Variants in BAHCC1 observed in about 807,000 individuals in gnomAD.
BAHCC1 encodes BAH domain and coiled-coil containing 1.
BAHCC1 carries 43 observed loss-of-function variants against 88.2 expected under a neutral mutation model. The ratio of observed to expected loss-of-function variants is 0.49; its 90% CI spans 0.38 to 0.63. BAHCC1 has a LOEUF of 0.63. Among genes scored for constraint, BAHCC1 ranks in the 20% least tolerant of loss-of-function variants. The pLI is 0.00. For synonymous variants in BAHCC1, 1,510 were observed against 745.5 expected (o/e 2.03, Z -16.71); for missense variants, 3,023 against 1,654.8 (o/e 1.83, Z -14.34).
chr17:81,428,033 C>T (rs1034738801), intron 3 of BAHCC1, among the ~76,000 whole-genome samples: 6 of 152,184 alleles, frequency 3.9e-5, no homozygotes, highest in South Asian at 2.1e-4. Context: ...CGGCTCAGGG[C>T]GCACATGTTG....
At chr17:81,447,929 G>A (rs1325660102) in intron 11 of BAHCC1, 81 bp downstream of exon 11, 10 of 691,236 alleles carry the variant, frequency 1.4e-5, no homozygotes, top group African/African-American at 1.8e-5. Flanking sequence ...CTGGCCAGAC[G>A]GCAGCCTTGG....
At chr17:81,413,145 C>T (rs1285042713) in intron 2 of BAHCC1, 2 of 444,908 alleles carry the variant, frequency 4.5e-6, no homozygotes, top group African/African-American at 2.0e-5. Flanking sequence ...CAGCCATACG[C>T]TCCCCAACCC....
chr17:81,415,928 T>C (rs879989753), intron 2 of BAHCC1, among the ~76,000 whole-genome samples: 11 of 151,398 alleles, frequency 7.3e-5, no homozygotes, highest in Non-Finnish European at 1.6e-4. Context: ...AGGGAGACCA[T>C]GGGCCTCACA....
In BAHCC1 at chr17:81,444,446, C is replaced by T. The variant is rs2064483219; in HGVS notation, c.2390C>T (p.Ala797Val). 6.7e-6 allele frequency: 5 copies of T among 741,424 alleles called. No homozygotes were observed. Among genetic ancestry groups the T allele is most frequent in the East Asian group, 5.1e-5 (2 of 38,944 alleles). The allele number at this position is 741,424 out of a possible 1,614,324, so 45.9% of individuals were successfully genotyped here. ...CCGAGCAGCTGCCCTGGGGACCTGG[C>T]CCCCCACCTCATGATGCAGAGCGGC... Reference protein sequence around the residue: ...HPPSSCPGDLAPHLMMQSGQL... With the variant: ...HPPSSCPGDLVPHLMMQSGQL... Residue 797 changes from alanine (A) to valine (V), a missense_variant, in exon 7 of 28, where the codon GCC (alanine) becomes GTC (valine). Coordinates refer to ENST00000675386, the MANE Select transcript of BAHCC1 (RefSeq NM_001377448.1).
In BAHCC1 at chr17:81,458,798, T is replaced by G. The variant is rs1555658265; in HGVS notation, c.5449-15T>G. On this transcript the variant is annotated splice_polypyrimidine_tract_variant and intron_variant, in intron 19 of 27. Transcript: ENST00000675386. ...CGCCTGCACCCCACCCAAGCCTGAC[T>G]CCTCTGGCCCCCAGGGCAAGGGCCG... 1 of 760,864 alleles carries G rather than the reference T, an allele frequency of 1.3e-6. No homozygotes were observed. The highest frequency in any genetic ancestry group is 1.4e-5 in the South Asian group (1 of 72,988). The allele number at this position is 760,864 out of a possible 1,614,324, so 47.1% of individuals were successfully genotyped here.
intron 2 of BAHCC1, among the ~76,000 whole-genome samples, chr17:81,419,924 C>T (rs74002267): frequency 0.013 from 1,937 of 152,244 alleles, 42 homozygotes; most frequent in African/African-American, 0.045. Flanking sequence ...CTCCCGGGCC[C>T]TGCCGTCCTC....
intron 2 of BAHCC1, chr17:81,402,484 G>T (rs1379059800): frequency 6.6e-6 from 1 of 152,194 alleles, no homozygotes; most frequent in African/African-American, 2.4e-5. Flanking sequence ...TCTTGTGTGC[G>T]GACTTCCACA....
Position 81,461,438 on chromosome 17 carries a change from CG to C in BAHCC1, c.6778del (p.Ala2260HisfsTer161). ...CCTTGTGGGCAAGGACAAGAAGGGG[CG>C]GGCACCCATCCCCCCGCTGCCCATG... ...PALVGKDKKG[R>X]APIPPLPMGL... is the part of the protein sequence containing the mutation. On this transcript the variant is annotated frameshift_variant, in exon 26 of 28. Coordinates refer to ENST00000675386, the MANE Select transcript of BAHCC1 (RefSeq NM_001377448.1). 1 of 736,376 alleles carries C rather than the reference CG, an allele frequency of 1.4e-6. No homozygotes were observed. Among genetic ancestry groups the C allele is most frequent in the Non-Finnish European group, 2.5e-6 (1 of 397,888 alleles). The allele number at this position is 736,376 out of a possible 1,614,324, so 45.6% of individuals were successfully genotyped here.
intron 14 of BAHCC1, among the ~76,000 whole-genome samples, chr17:81,453,326 T>C (rs1407237603): frequency 1.3e-5 from 2 of 152,226 alleles, no homozygotes; most frequent in Non-Finnish European, 2.9e-5. Flanking sequence ...TAATTGTCCT[T>C]CTCGGCTACA....
chr17:81,432,547 A>AGGCCCCCCCTCCCTCCCATCGCCG (rs2064273266), intron 3 of BAHCC1, among the ~76,000 whole-genome samples: 9 of 33,270 alleles, frequency 2.7e-4, no homozygotes, highest in South Asian at 1.5e-3. Context: ...ACCCATCACC[A>AGGCCCCCCCTCCCTCCCATCGCCG]GGCCCACCCT....
At position 81,399,520 on chromosome 17, in the gene BAHCC1, T is replaced by C; in HGVS notation, c.-206-14T>C. The C allele has an allele frequency of 2.8e-6, 1 of 352,116 alleles. No individual in the cohort carries two copies. Among genetic ancestry groups the C allele is most frequent in the Non-Finnish European group, 5.7e-6 (1 of 175,310 alleles). The allele number at this position is 352,116 out of a possible 1,614,324, so 21.8% of individuals were successfully genotyped here. A position where few individuals can be genotyped will look rare whatever the true frequency, so the allele number is the denominator to read the frequency against. ...CCCCAGTCACCCGTGTCTCCTCTGCTTTTGCCTCCACAGACCATGGACCCG... is the reference window on the plus strand; with the variant it reads ...CCCCAGTCACCCGTGTCTCCTCTGCCTTTGCCTCCACAGACCATGGACCCG... On this transcript the variant is annotated splice_polypyrimidine_tract_variant and intron_variant, in intron 1 of 27. Transcript: ENST00000675386. This position sits in a 1 kb window ranked among gnomAD's most constrained non-coding sequence, Gnocchi z 4.5.
chr17:81,404,669 G>A (rs1332242696), intron 2 of BAHCC1, among the ~76,000 whole-genome samples: 2 of 152,238 alleles, frequency 1.3e-5, no homozygotes, highest in Admixed American at 6.5e-5. Flanking sequence ...TTAACAATCA[G>A]GATACACTCC....
chr17:81,400,737 C>G (rs1410181138), intron 2 of BAHCC1: 1 of 153,664 alleles, frequency 6.5e-6, no homozygotes, highest in Admixed American at 6.5e-5. Flanking sequence ...TCCTCTCGGG[C>G]GGTCCCCTCT....
Position 81,435,399 on chromosome 17 carries a change from G to A in BAHCC1, c.359-2971G>A, listed in dbSNP as rs145803643. On this transcript the variant is annotated intron_variant, in intron 3 of 27. Coordinates refer to ENST00000675386, the MANE Select transcript of BAHCC1 (RefSeq NM_001377448.1). This position sits in a 1 kb window ranked among gnomAD's most constrained non-coding sequence, Gnocchi z 4.4. Reference sequence around the variant, plus strand: ...GGGCAGGATGTGGGGACCTCGGTGCGACCCCCACTGCCCCCAGGGCTCTTC... The same window carrying A: ...GGGCAGGATGTGGGGACCTCGGTGCAACCCCCACTGCCCCCAGGGCTCTTC... 460 of 466,060 alleles carry A rather than the reference G, an allele frequency of 9.9e-4. 5 individuals are homozygous for A. Among genetic ancestry groups the A allele is most frequent in the African/African-American group, 8.3e-3 (414 of 49,984 alleles). 28.9% of individuals were successfully genotyped at this position (466,060 alleles called of 1,614,324 possible). A position where few individuals can be genotyped will look rare whatever the true frequency, so the allele number is the denominator to read the frequency against.
In BAHCC1 at chr17:81,406,937, G is replaced by T. The variant is rs1360582688; in HGVS notation, c.178+7020G>T. ...GGTTCCCGATCGGATCAGCCAGGAA[G>T]TGGGTTTTTTTCATTCTGACCTGCT... On this transcript the variant is annotated intron_variant, in intron 2 of 27. Transcript: ENST00000675386. The T allele has an allele frequency of 4.4e-5, 20 of 456,240 alleles. No homozygotes were observed. In the Admixed American group the frequency reaches 4.5e-4, roughly 10 times the overall value. 28.3% of individuals were successfully genotyped at this position (456,240 alleles called of 1,614,324 possible). A position where few individuals can be genotyped will look rare whatever the true frequency, so the allele number is the denominator to read the frequency against.
At chr17:81,396,337 GCAGCGGGGCGTTTT>G (rs1182731945) in intron 1 of BAHCC1, 1 of 152,148 alleles carries the variant, frequency 6.6e-6, no homozygotes, top group African/African-American at 2.4e-5. Context: ...CAAGGCCGGC[GCAGCGGGGCGTTTT>G]CACCGCGCGC....
At chr17:81,462,089 A>G (rs2030347952) in intron 26 of BAHCC1, 43 bp downstream of exon 26, 1 of 698,910 alleles carries the variant, frequency 1.4e-6, no homozygotes, top group Non-Finnish European at 2.6e-6. Flanking sequence ...GTTCCCAAGG[A>G]AACCGGGGCG....
chr17:81,435,550 G>A lies in BAHCC1; in HGVS notation c.359-2820G>A, dbSNP rs1555651599. The stretch of plus-strand genomic sequence containing the variant: ...TCATAAAAGCTCCCGTCTCAAAGGG[G>A]TCTGGGAAGGGGAGGTTCTGGAGCC... On this transcript the variant is annotated intron_variant, in intron 3 of 27. Transcript: ENST00000675386. The surrounding 1 kb of genome is among the most constrained non-coding windows in gnomAD (Gnocchi z 4.4). The A allele has an allele frequency of 4.3e-6, 2 of 466,884 alleles. No homozygotes were observed. Among genetic ancestry groups the A allele is most frequent in the Non-Finnish European group, 8.9e-6 (2 of 224,950 alleles). The allele number at this position is 466,884 out of a possible 1,614,324, so 28.9% of individuals were successfully genotyped here. A position where few individuals can be genotyped will look rare whatever the true frequency, so the allele number is the denominator to read the frequency against.
At chr17:81,413,313 G>C (rs1466879662) in intron 2 of BAHCC1, among the ~76,000 whole-genome samples, 1 of 152,302 alleles carries the variant, frequency 6.6e-6, no homozygotes, top group East Asian at 1.9e-4. Context: ...CTGTGACTTG[G>C]CCAAGCGTAA....
Sources: allele counts gnomAD v4.1 joint callset (sites outside exome capture counted in the v4.1 genomes callset), GRCh38; gene constraint gnomAD v4.1.1; non-coding constraint Gnocchi (gnomAD v3.1); transcripts MANE v1.5; gene names NCBI Gene and HGNC (gene_info 2026-07-23, HGNC 2026-07-21).